Variants in DDX10 observed in about 807,000 individuals in gnomAD.
DDX10 encodes probable ATP-dependent RNA helicase DDX10.
DDX10 carries 74 observed loss-of-function variants against 104.3 expected under a neutral mutation model. That is an observed-to-expected ratio of 0.71 (90% confidence interval 0.59 to 0.86). The LOEUF (loss-of-function observed/expected upper bound fraction) is 0.86. Ranked by LOEUF, DDX10 falls within the 40% of genes least tolerant of loss-of-function variation. DDX10 has a pLI of 0.00. For synonymous variants in DDX10, 351 were observed against 353.4 expected (o/e 0.99, Z 0.08); for missense variants, 952 against 1,040.0 (o/e 0.92, Z 1.16).
At chr11:108,878,128 A>G (rs911757570) in intron 16 of DDX10, among the ~76,000 whole-genome samples, 3 of 152,234 alleles carry the variant, frequency 2.0e-5, no homozygotes, top group Non-Finnish European at 2.9e-5. Context: ...TGTTATACAA[A>G]GATAGGCATA....
intron 16 of DDX10, among the ~76,000 whole-genome samples, chr11:108,873,103 T>C (rs1863104445): frequency 6.6e-6 from 1 of 152,214 alleles, no homozygotes; most frequent in Non-Finnish European, 1.5e-5. Flanking sequence ...GACTGTCACA[T>C]GAATCAGTGC....
At chr11:108,708,342 A>C (rs1400943666) in intron 10 of DDX10, among the ~76,000 whole-genome samples, 2 of 108,998 alleles carry the variant, frequency 1.8e-5, no homozygotes, top group Non-Finnish European at 3.5e-5. Flanking sequence ...GAGTACATTA[A>C]GGTCTTTTTT....
chr11:108,923,978 T>C (rs1361663781), intron 17 of DDX10, among the ~76,000 whole-genome samples: 1 of 152,140 alleles, frequency 6.6e-6, no homozygotes, highest in Non-Finnish European at 1.5e-5. Context: ...ATAGCTGTGC[T>C]TCACAAGCTG....
At position 108,869,569 on chromosome 11, in the gene DDX10, A is replaced by G. The variant is rs2134621832; in HGVS notation, c.2304+17360A>G. Among the ~76,000 whole-genome samples the G allele has an allele frequency of 2.6e-5, 4 of 152,256 alleles. 1 individual carries two copies. The highest frequency in any genetic ancestry group is 3.4e-3 in the Middle Eastern group (1 of 294). On this transcript the variant is annotated intron_variant, in intron 16 of 17. Coordinates refer to ENST00000322536, the MANE Select transcript of DDX10 (RefSeq NM_004398.4). ...GGAATTTCTTACCCTTCTAAAATTC[A>G]TTAAATGCATAAGTCTTGCTGTAAA...
intron 16 of DDX10, among the ~76,000 whole-genome samples, chr11:108,893,930 T>C (rs988826361): frequency 6.6e-6 from 1 of 152,100 alleles, no homozygotes; most frequent in Non-Finnish European, 1.5e-5. Flanking sequence ...AAATGTCTCC[T>C]GTGCAAACAA....
At chr11:108,785,378 C>G (rs185044479) in intron 13 of DDX10, among the ~76,000 whole-genome samples, 1 of 151,266 alleles carries the variant, frequency 6.6e-6, no homozygotes. Context: ...AATATTGGCC[C>G]GAAGCTTTTT....
In DDX10 at chr11:108,940,398, TA is replaced by T. The variant is rs1433129238; in HGVS notation, c.2604del (p.Leu868PhefsTer4). 1 of 1,613,830 alleles carries T rather than the reference TA, an allele frequency of 6.2e-7. No homozygotes were observed. Among genetic ancestry groups the T allele is most frequent in the Non-Finnish European group, 8.5e-7 (1 of 1,179,942 alleles). ...LSLAEDEELV[L>X]HLLRSQS Reference sequence around the variant, plus strand: ...TTAGCAGAGGATGAAGAGCTGGTGTTACATCTGCTAAGAAGTCAAAGCTAAA... The same window carrying T: ...TTAGCAGAGGATGAAGAGCTGGTGTTCATCTGCTAAGAAGTCAAAGCTAAA... On this transcript the variant is annotated frameshift_variant, in exon 18 of 18. Coordinates refer to ENST00000322536, the MANE Select transcript of DDX10 (RefSeq NM_004398.4). LOFTEE classifies it high-confidence loss of function.
Position 108,940,784 on chromosome 11 carries a change from C to CAG in DDX10, c.*363_*364dup, listed in dbSNP as rs1437459406. On this transcript the variant is annotated 3_prime_UTR_variant, in exon 18 of 18. Transcript: ENST00000322536. ...AGAAATCCCTGTCTTGCTTACTGTACAGAAGTTTCTGTTGCTGTTAAAATT... is the reference window on the plus strand; with the variant it reads ...AGAAATCCCTGTCTTGCTTACTGTACAGAGAAGTTTCTGTTGCTGTTAAAATT... 8.4e-6 allele frequency: 2 copies of CAG among 237,506 alleles called. No individual in the cohort carries two copies. Among genetic ancestry groups the CAG allele is most frequent in the Non-Finnish European group, 1.6e-5 (2 of 121,342 alleles). The allele number at this position is 237,506 out of a possible 1,614,324, so 14.7% of individuals were successfully genotyped here. A position where few individuals can be genotyped will look rare whatever the true frequency, so the allele number is the denominator to read the frequency against.
intron 16 of DDX10, among the ~76,000 whole-genome samples, chr11:108,902,172 G>T (rs1237002597): frequency 6.6e-6 from 1 of 152,112 alleles, no homozygotes; most frequent in South Asian, 2.1e-4. Flanking sequence ...ATTTACTGGG[G>T]GTTGATTGAC....
chr11:108,673,671 A>C (rs2094220088), intron 2 of DDX10, 144 bp downstream of exon 2: 3 of 608,008 alleles, frequency 4.9e-6, no homozygotes, highest in Admixed American at 6.5e-5. Context: ...AGCAATATTC[A>C]AGTTTTAACA....
intron 16 of DDX10, among the ~76,000 whole-genome samples, chr11:108,898,309 G>C (rs1362922072): frequency 6.6e-6 from 1 of 151,944 alleles, no homozygotes; most frequent in East Asian, 1.9e-4. Context: ...ACTCTCCTGA[G>C]GTCTTGGCAT....
Position 108,833,326 on chromosome 11 carries a change from G to A in DDX10, c.1966-5120G>A, listed in dbSNP as rs191802524. 2.3e-3 allele frequency among the ~76,000 whole-genome samples: 347 copies of A among 152,316 alleles called. 8 individuals are homozygous for A. Among genetic ancestry groups the A allele is most frequent in the Admixed American group, 0.021 (320 of 15,298 alleles). On this transcript the variant is annotated intron_variant, in intron 13 of 17. Transcript: ENST00000322536. ...ATATAATTAATGTTTTGTTCTAGTT[G>A]TTTCATATCTTTTTCCATAGATAGA...
At chr11:108,763,190 T>C (rs1442192741) in intron 13 of DDX10, among the ~76,000 whole-genome samples, 1 of 152,168 alleles carries the variant, frequency 6.6e-6, no homozygotes, top group Non-Finnish European at 1.5e-5. Flanking sequence ...CTTCCTCTGG[T>C]TGCAATTCCT....
chr11:108,844,330 C>T (rs770209209), intron 15 of DDX10, among the ~76,000 whole-genome samples: 3 of 152,154 alleles, frequency 2.0e-5, no homozygotes, highest in Non-Finnish European at 4.4e-5. Flanking sequence ...TGTTACCTGA[C>T]ACATGATTGA....
chr11:108,866,221 G>A (rs1388860308), intron 16 of DDX10, among the ~76,000 whole-genome samples: 1 of 152,132 alleles, frequency 6.6e-6, no homozygotes, highest in African/African-American at 2.4e-5. Flanking sequence ...TTAAGGAACA[G>A]GCAGATGAAA....
intron 13 of DDX10, among the ~76,000 whole-genome samples, chr11:108,771,729 A>G (rs2094363434): frequency 6.6e-6 from 1 of 152,208 alleles, no homozygotes; most frequent in Admixed American, 6.5e-5. Flanking sequence ...TTTCAGGAGA[A>G]AGGAATAAAT....
chr11:108,671,076 A>G (rs2134434357), intron 1 of DDX10, among the ~76,000 whole-genome samples: 1 of 152,336 alleles, frequency 6.6e-6, no homozygotes, highest in South Asian at 2.1e-4. Context: ...TGAATTCAGA[A>G]GAATAGTGAG....
chr11:108,899,908 G>A (rs1323055549), intron 16 of DDX10, among the ~76,000 whole-genome samples: 1 of 152,194 alleles, frequency 6.6e-6, no homozygotes, highest in African/African-American at 2.4e-5. Context: ...AAGGTCAGGA[G>A]TTCGAGAGCA....
intron 13 of DDX10, among the ~76,000 whole-genome samples, chr11:108,795,901 C>G (rs1328892049): frequency 6.6e-6 from 1 of 152,120 alleles, no homozygotes; most frequent in Admixed American, 6.5e-5. Context: ...AGTTCTAGAT[C>G]CTTGAGGAAT....
Sources: gnomAD v4.1 joint callset for allele counts (sites outside exome capture counted in the v4.1 genomes callset) on GRCh38, gnomAD v4.1.1 for gene constraint, MANE v1.5 for transcripts, NCBI Gene and HGNC (gene_info 2026-07-23, HGNC 2026-07-21) for gene names.